The following GLRA1 variants were observed in gnomAD, a reference collection of about 807,000 sequenced individuals.
GLRA1 encodes glycine receptor subunit alpha-1.
A neutral mutation model predicts 48.3 loss-of-function variants in GLRA1; 37 were observed. That is an observed-to-expected ratio of 0.77 (90% CI 0.59 to 1.01). GLRA1 has a LOEUF of 1.01. GLRA1 is among the 50% of genes least tolerant of loss of function. GLRA1 has a pLI of 0.00. For synonymous variants in GLRA1, 196 were observed against 210.7 expected (o/e 0.93, Z 0.60); for missense variants, 427 against 571.0 (o/e 0.75, Z 2.57).
At chr5:151,898,649 G>T (rs1754283992) in intron 1 of GLRA1, among the ~76,000 whole-genome samples, 1 of 152,124 alleles carries the variant, frequency 6.6e-6, no homozygotes, top group African/African-American at 2.4e-5. Context: ...GCAGAAGAGG[G>T]ACTAAGAGGC....
intron 7 of GLRA1, chr5:151,849,121 T>C (rs1752776335): frequency 4.9e-6 from 1 of 202,986 alleles, no homozygotes; most frequent in Admixed American, 7.3e-5. Context: ...TCTTTCTTTC[T>C]TTCTTTCTTT....
chr5:151,844,244 A>G (rs2113323477), intron 7 of GLRA1, among the ~76,000 whole-genome samples: 1 of 152,228 alleles, frequency 6.6e-6, no homozygotes, highest in East Asian at 1.9e-4. Context: ...CAAAGACCTA[A>G]ACATAAGAGA....
At chr5:151,906,564 T>A (rs4302572) in intron 1 of GLRA1, among the ~76,000 whole-genome samples, 108,995 of 152,176 alleles carry the variant, frequency 0.72, 39,561 homozygotes, top group African/African-American at 0.84. Flanking sequence ...CTCAGAGAAG[T>A]CTTAGGCAGA....
At position 151,919,843 on chromosome 5, in the gene GLRA1, T is replaced by C. The variant is rs115876092; in HGVS notation, c.56+4651A>G. ...GCGAACCTGCAGAATAGTTTCAAGA[T>C]GGCCAGGCAGGGAGACTGTGCCATC... is the stretch of plus-strand genomic sequence containing the variant. On this transcript the variant is annotated intron_variant, in intron 1 of 8. Transcript: ENST00000274576. Among the ~76,000 whole-genome samples the C allele has an allele frequency of 7.7e-3, 1,176 of 152,334 alleles. 20 individuals are homozygous for C. The highest frequency in any genetic ancestry group is 0.027 in the African/African-American group (1,105 of 41,578).
chr5:151,892,814 G>A (rs1754112855), intron 1 of GLRA1, among the ~76,000 whole-genome samples: 2 of 152,176 alleles, frequency 1.3e-5, no homozygotes, highest in African/African-American at 4.8e-5. Context: ...CAGGTCCATG[G>A]AGCCACACGG....
At chr5:151,871,834 G>T (rs1753494664) in intron 3 of GLRA1, among the ~76,000 whole-genome samples, 1 of 149,710 alleles carries the variant, frequency 6.7e-6, no homozygotes, top group African/African-American at 2.6e-5. Flanking sequence ...AAAGTGCCGG[G>T]ATTACAGGCG....
Position 151,924,609 on chromosome 5 carries a change from G to A in GLRA1, c.-60C>T, listed in dbSNP as rs1358874817. 6 of 1,044,514 alleles carry A rather than the reference G, an allele frequency of 5.7e-6. No homozygotes were observed. Among genetic ancestry groups the A allele is most frequent in the Non-Finnish European group, 7.6e-6 (5 of 659,714 alleles). 64.7% of individuals were successfully genotyped at this position (1,044,514 alleles called of 1,614,324 possible). On this transcript the variant is annotated 5_prime_UTR_variant, in exon 1 of 9. Coordinates refer to ENST00000274576, the MANE Select transcript of GLRA1 (RefSeq NM_000171.4). ...ATGGGGGCAAAAATGTTTCAAATTG[G>A]CACTTACAAAACCAGAAAGCGCTAT...
At chr5:151,886,939 A>G (rs1753923527) in intron 2 of GLRA1, 151 bp from the exon 3 acceptor site, 1 of 695,034 alleles carries the variant, frequency 1.4e-6, no homozygotes, top group South Asian at 1.5e-5. Flanking sequence ...AGCACCTGGG[A>G]TTCCCAGCCA....
intron 6 of GLRA1, among the ~76,000 whole-genome samples, chr5:151,854,532 T>C (rs1279247944): frequency 6.6e-6 from 1 of 152,228 alleles, no homozygotes; most frequent in Non-Finnish European, 1.5e-5. Flanking sequence ...AGATATTCAA[T>C]CTTCCAACAA....
intron 2 of GLRA1, among the ~76,000 whole-genome samples, chr5:151,887,640 A>G (rs1753944459): frequency 6.6e-6 from 1 of 152,200 alleles, no homozygotes; most frequent in Non-Finnish European, 1.5e-5. Context: ...TTGAGTTCAG[A>G]TTTGTCTAAC....
At chr5:151,846,292 C>A (rs1335310810) in intron 7 of GLRA1, among the ~76,000 whole-genome samples, 1 of 152,086 alleles carries the variant, frequency 6.6e-6, no homozygotes, top group Admixed American at 6.5e-5. Context: ...ATATTTTTAA[C>A]CACAAATGCA....
chr5:151,853,417 T>G (rs1462802784), intron 6 of GLRA1, among the ~76,000 whole-genome samples: 1 of 151,100 alleles, frequency 6.6e-6, no homozygotes, highest in Non-Finnish European at 1.5e-5. Flanking sequence ...AACTAATTTT[T>G]TTTTTTTTTT....
At position 151,855,287 on chromosome 5, in the gene GLRA1, A is replaced by G. The variant is rs1753010082; in HGVS notation, c.560-110T>C. 17 of 1,062,974 alleles carry G rather than the reference A, an allele frequency of 1.6e-5. No homozygotes were observed. The South Asian group carries it at 1.9e-4, about 12-fold the overall frequency. 65.8% of individuals were successfully genotyped at this position (1,062,974 alleles called of 1,614,324 possible). A position where few individuals can be genotyped will look rare whatever the true frequency, so the allele number is the denominator to read the frequency against. Reference sequence around the variant, plus strand: ...AGAGAGACATCAGACACTTGATGGAACTTGTGAGACCAGGTTCCTTTTTTT... The same window carrying G: ...AGAGAGACATCAGACACTTGATGGAGCTTGTGAGACCAGGTTCCTTTTTTT... On this transcript the variant is annotated intron_variant, in intron 5 of 8. Coordinates refer to ENST00000274576, the MANE Select transcript of GLRA1 (RefSeq NM_000171.4).
intron 7 of GLRA1, chr5:151,849,803 C>T (rs1752851705): frequency 1.9e-6 from 2 of 1,053,260 alleles, no homozygotes; most frequent in East Asian, 3.9e-5. Flanking sequence ...ATCCAACTGC[C>T]TTGGCCTCCC....
At chr5:151,885,167 A>G (rs1229696161) in intron 3 of GLRA1, among the ~76,000 whole-genome samples, 1 of 152,230 alleles carries the variant, frequency 6.6e-6, no homozygotes, top group Non-Finnish European at 1.5e-5. Flanking sequence ...GAAAGGTTGG[A>G]TGTAATCTCC....
intron 6 of GLRA1, among the ~76,000 whole-genome samples, chr5:151,854,600 C>T (rs1256528959): frequency 1.3e-5 from 2 of 152,230 alleles, no homozygotes; most frequent in African/African-American, 2.4e-5. Flanking sequence ...CCTCTCATAG[C>T]TCACAGGCAA....
intron 6 of GLRA1, among the ~76,000 whole-genome samples, chr5:151,854,542 A>C (rs1475993124): frequency 1.3e-5 from 2 of 152,128 alleles, no homozygotes; most frequent in Non-Finnish European, 2.9e-5. Context: ...TCTTCCAACA[A>C]AAGCATGGGA....
chr5:151,896,779 T>A (rs772050367), intron 1 of GLRA1, among the ~76,000 whole-genome samples: 1 of 152,218 alleles, frequency 6.6e-6, no homozygotes, highest in Non-Finnish European at 1.5e-5. Flanking sequence ...AAAAGGAAAC[T>A]ATATTTCACT....
At chr5:151,846,319 A>C (rs1752671543) in intron 7 of GLRA1, among the ~76,000 whole-genome samples, 1 of 152,212 alleles carries the variant, frequency 6.6e-6, no homozygotes, top group African/African-American at 2.4e-5. Flanking sequence ...TGTTGAGTCT[A>C]GTGTAAACCA....
Sources: allele counts gnomAD v4.1 joint callset (sites outside exome capture counted in the v4.1 genomes callset), GRCh38; gene constraint gnomAD v4.1.1; transcripts MANE v1.5; gene names NCBI Gene and HGNC (gene_info 2026-07-23, HGNC 2026-07-21).